TCOF1: variants seen among roughly 807,000 people sequenced by gnomAD.
The protein encoded by TCOF1 is treacle ribosome biogenesis factor 1.
Under a neutral mutation model 149.0 loss-of-function variants are expected in TCOF1, and 33 were observed. The observed-to-expected ratio is 0.22, with a 90% CI of 0.17 to 0.30. The LOEUF is 0.30. Ranked by LOEUF, TCOF1 falls within the 10% of genes least tolerant of loss-of-function variation. TCOF1 has a pLI of 1.00. For synonymous variants in TCOF1, 789 were observed against 738.8 expected (o/e 1.07, Z -1.10); for missense variants, 1,728 against 1,840.7 (o/e 0.94, Z 1.12).
intron 8 of TCOF1, 102 bp from the exon 9 acceptor site, chr5:150,374,515 C>G: frequency 1.3e-6 from 2 of 1,580,256 alleles, no homozygotes; most frequent in East Asian, 4.5e-5. Flanking sequence ...TCCCCTCTCA[C>G]TGTGTGGCAT....
Position 150,398,459 on chromosome 5 carries a change from G to T in TCOF1, c.4443+8G>T. On this transcript the variant is annotated splice_region_variant and intron_variant, in intron 25 of 26. Coordinates refer to ENST00000643257, the MANE Select transcript of TCOF1 (RefSeq NM_001371623.1). ...AAGAAAAAGAAGAAAAAGGTAGAGAGTTCCTGGGGTGTCTCAGGCCAGAAA... is the reference window on the plus strand; with the variant it reads ...AAGAAAAAGAAGAAAAAGGTAGAGATTTCCTGGGGTGTCTCAGGCCAGAAA... 2 of 1,614,092 alleles carry T rather than the reference G, an allele frequency of 1.2e-6. No homozygotes were observed. Among genetic ancestry groups the T allele is most frequent in the Non-Finnish European group, 1.7e-6 (2 of 1,179,970 alleles).
At position 150,399,985 on chromosome 5, in the gene TCOF1, A is replaced by C. The variant is rs950184634; in HGVS notation, c.*198A>C. The stretch of plus-strand genomic sequence containing the variant: ...CCTGCGGGGAGGCTGGTCCAAGGAG[A>C]AAGTGGACCAGCTCCCATGACCTCA... On this transcript the variant is annotated 3_prime_UTR_variant, in exon 27 of 27. Coordinates refer to ENST00000643257, the MANE Select transcript of TCOF1 (RefSeq NM_001371623.1). The C allele has an allele frequency of 6.6e-6, 1 of 152,346 alleles. No homozygotes were observed. Among genetic ancestry groups the C allele is most frequent in the Non-Finnish European group, 1.5e-5 (1 of 68,226 alleles). The allele number at this position is 152,346 out of a possible 1,614,324, so 9.4% of individuals were successfully genotyped here. A position where few individuals can be genotyped will look rare whatever the true frequency, so the allele number is the denominator to read the frequency against.
Position 150,391,659 on chromosome 5 carries a change from T to A in TCOF1, c.3297+2T>A. ...GCCAGGACCCAGCCTTCAAGTGGGG[T>A]GAGCTTGGGGAGCCAGGGGAAGCAA... On this transcript the variant is annotated splice_donor_variant, in intron 20 of 26. Coordinates refer to ENST00000643257, the MANE Select transcript of TCOF1 (RefSeq NM_001371623.1). LOFTEE classifies it high-confidence loss of function. 6.2e-7 allele frequency: 1 copy of A among 1,612,972 alleles called. No homozygotes were observed. Among genetic ancestry groups the A allele is most frequent in the Non-Finnish European group, 8.5e-7 (1 of 1,179,526 alleles).
In TCOF1 at chr5:150,379,014, C is replaced by T; in HGVS notation, c.2450C>T (p.Ala817Val). ...SAPGKVVTAA[A>V]QAKQRSPSKV... ...CCTGGAAAAGTTGTCACTGCAGCTG[C>T]TCAAGCCAAGCAGAGGTCTCCATCC... Residue 817 changes from alanine (A) to valine (V), a missense_variant, in exon 15 of 27, where the codon GCT becomes GTT. Transcript: ENST00000643257. The T allele has an allele frequency of 6.2e-7, 1 of 1,614,094 alleles. No individual in the cohort carries two copies. The highest frequency in any genetic ancestry group is 2.2e-5 in the East Asian group (1 of 44,874).
intron 24 of TCOF1, among the ~76,000 whole-genome samples, chr5:150,397,737 T>C (rs1209508083): frequency 6.6e-6 from 1 of 152,176 alleles, no homozygotes; most frequent in East Asian, 1.9e-4. Context: ...CTGTGCTAGA[T>C]TTCCATTTAC....
Position 150,368,362 on chromosome 5 carries a change from G to A in TCOF1, c.379-354G>A, listed in dbSNP as rs147593217. The A allele has an allele frequency of 9.1e-5, 33 of 364,574 alleles. No individual in the cohort carries two copies. In the East Asian group the frequency reaches 2.0e-3, roughly 22 times the overall value. The allele number at this position is 364,574 out of a possible 1,614,324, so 22.6% of individuals were successfully genotyped here. ...GTGTCATTTTCTAATAATCCAGAAAGCAGAGTTAGATACATACATGTATAA... is the reference window on the plus strand; with the variant it reads ...GTGTCATTTTCTAATAATCCAGAAAACAGAGTTAGATACATACATGTATAA... On this transcript the variant is annotated intron_variant, in intron 4 of 26. Coordinates refer to ENST00000643257, the MANE Select transcript of TCOF1 (RefSeq NM_001371623.1).
rs141603132 is a variant in TCOF1, at chr5:150,389,775, C to G, written c.3047-112C>G. The G allele has an allele frequency of 3.5e-4, 553 of 1,588,692 alleles. 2 individuals carry two copies. The East Asian group carries it at 0.01, about 29-fold the overall frequency. ...AAACAAGCTTCTACCTCTGTAAGCC[C>G]TGAGCACAGCTCTAGATCACCAGCA... is the stretch of plus-strand genomic sequence containing the variant. On this transcript the variant is annotated intron_variant, in intron 18 of 26. Coordinates refer to ENST00000643257, the MANE Select transcript of TCOF1 (RefSeq NM_001371623.1).
intron 12 of TCOF1, 60 bp downstream of exon 12, chr5:150,375,969 C>G: frequency 6.2e-7 from 1 of 1,613,860 alleles, no homozygotes; most frequent in Non-Finnish European, 8.5e-7. Flanking sequence ...AGTCAGCACC[C>G]CCGGGGAGCT....
chr5:150,368,871 C>G lies in TCOF1; in HGVS notation c.534C>G (p.Ser178Arg). The G allele has an allele frequency of 1.2e-6, 2 of 1,613,856 alleles. No homozygotes were observed. Among genetic ancestry groups the G allele is most frequent in the South Asian group, 2.2e-5 (2 of 91,086 alleles). The change falls in exon 5 of 27, where the codon AGC (serine) becomes AGG (arginine). Residue 178 changes from serine (S) to arginine (R), a missense_variant. Ser to Arg is a moderately radical substitution (Grantham distance 110). This residue lies in a region of TCOF1 where 1,696 missense variants were observed against 1,765.4 expected (regional missense o/e 0.96). Transcript: ENST00000643257. Reference sequence around the variant, plus strand: ...TCTCAGAAACTGAGGAGGAGGGCAGCGTCCCGGCCTTTGGAGCTGCTGCCA... The same window carrying G: ...TCTCAGAAACTGAGGAGGAGGGCAGGGTCCCGGCCTTTGGAGCTGCTGCCA... ...TLVSETEEEG[S>R]VPAFGAAAKP...
intron 17 of TCOF1, chr5:150,383,867 G>T (rs1045214236): frequency 6.5e-7 from 1 of 1,547,978 alleles, no homozygotes; most frequent in African/African-American, 1.4e-5. Flanking sequence ...ACCTCCAAGG[G>T]TGGGACCAGG....
intron 12 of TCOF1, 27 bp downstream of exon 12, chr5:150,375,936 C>T (rs377342210): frequency 3.3e-5 from 53 of 1,614,004 alleles, no homozygotes; most frequent in Admixed American, 1.0e-4. Flanking sequence ...GAGGCTGCTA[C>T]ATGGCCTGAT....
chr5:150,374,209 T>C lies in TCOF1; in HGVS notation c.906T>C (p.Ala302=). The change falls in exon 8 of 27, where the codon GCT becomes GCC. Residue 302 remains alanine, a synonymous_variant. Transcript: ENST00000643257. ...KASEKILQVR[A]ASAPAKGTPG... ...CTGAAAAAATTCTCCAGGTCAGAGC[T>C]GCCTCAGCCCCTGCCAAGGGGACCC... The C allele has an allele frequency of 6.2e-7, 1 of 1,612,860 alleles. No individual in the cohort carries two copies. The highest frequency in any genetic ancestry group is 8.5e-7 in the Non-Finnish European group (1 of 1,179,638).
intron 1 of TCOF1, among the ~76,000 whole-genome samples, chr5:150,358,340 G>T (rs1036638489): frequency 6.6e-6 from 1 of 152,044 alleles, no homozygotes; most frequent in Non-Finnish European, 1.5e-5. Context: ...GTACTGAGAC[G>T]GTCAGCTTTG....
chr5:150,361,447 C>T (rs1484998018), intron 2 of TCOF1, among the ~76,000 whole-genome samples: 1 of 152,196 alleles, frequency 6.6e-6, no homozygotes, highest in African/African-American at 2.4e-5. Flanking sequence ...TTCTCACCAG[C>T]TTGTCAGTTG....
At chr5:150,369,049 A>C (rs1761971362) in intron 5 of TCOF1, 147 bp downstream of exon 5, 27 of 1,089,006 alleles carry the variant, frequency 2.5e-5, no homozygotes, top group Non-Finnish European at 3.2e-5. Flanking sequence ...GACTTTTCTC[A>C]TCACCTAGAC....
At chr5:150,374,931 C>T (rs1050473172) in intron 9 of TCOF1, 23 bp from the exon 10 acceptor site, 1 of 1,613,838 alleles carries the variant, frequency 6.2e-7, no homozygotes, top group Non-Finnish European at 8.5e-7. Flanking sequence ...TGGGCTCTCC[C>T]CTCATCCTGT....
At chr5:150,378,786 C>A in intron 14 of TCOF1, 119 bp from the exon 15 acceptor site, 1 of 1,428,852 alleles carries the variant, frequency 7.0e-7, no homozygotes, top group Non-Finnish European at 9.8e-7. Flanking sequence ...GGTTCACACG[C>A]CTATTGCATG....
chr5:150,362,169 G>T (rs187383552), intron 2 of TCOF1, among the ~76,000 whole-genome samples: 5 of 152,312 alleles, frequency 3.3e-5, no homozygotes, highest in Admixed American at 2.6e-4. Context: ...AGCTTGAAGG[G>T]AACTCAGTTT....
intron 26 of TCOF1, among the ~76,000 whole-genome samples, chr5:150,399,308 CA>C (rs1769287290): frequency 6.6e-6 from 1 of 152,184 alleles, no homozygotes; most frequent in East Asian, 1.9e-4. Flanking sequence ...CACCTGGGTG[CA>C]GGGGTTGTGC....
Sources: allele counts gnomAD v4.1 joint callset (sites outside exome capture counted in the v4.1 genomes callset), GRCh38; gene constraint gnomAD v4.1.1; regional missense constraint gnomAD v4.1.1; transcripts MANE v1.5; gene names NCBI Gene and HGNC (gene_info 2026-07-23, HGNC 2026-07-21).